The following CRYBG3 variants were observed in gnomAD, a reference collection of about 807,000 sequenced individuals.
The protein encoded by CRYBG3 is very large A-kinase anchor protein.
CRYBG3 carries 127 observed loss-of-function variants against 244.2 expected under a neutral mutation model. The observed-to-expected ratio is 0.52, with a 90% CI of 0.45 to 0.60. The LOEUF (loss-of-function observed/expected upper bound fraction) is 0.60, where lower values mean the gene tolerates loss of function less well. Ranked by LOEUF, CRYBG3 falls within the 20% of genes least tolerant of loss-of-function variation. CRYBG3 has a pLI of 0.00. For missense variants in CRYBG3, 3,325 were observed against 3,442.5 expected (o/e 0.97, Z 0.85); for synonymous variants, 1,132 against 1,195.8 (o/e 0.95, Z 1.10).
intron 15 of CRYBG3, among the ~76,000 whole-genome samples, 186 bp downstream of exon 15, chr3:97,900,671 G>C (rs1013403358): frequency 3.3e-5 from 5 of 152,150 alleles, no homozygotes; most frequent in Admixed American, 6.5e-5. Flanking sequence ...ATTAGACTGG[G>C]TTTGTCACAC....
chr3:97,842,147 A>G (rs933589492), intron 1 of CRYBG3, among the ~76,000 whole-genome samples: 1 of 152,126 alleles, frequency 6.6e-6, no homozygotes, highest in African/African-American at 2.4e-5. Context: ...TTATATCCTT[A>G]AGGCTAAGCA....
intron 10 of CRYBG3, among the ~76,000 whole-genome samples, chr3:97,891,289 C>T (rs901063434): frequency 6.6e-6 from 1 of 152,088 alleles, no homozygotes; most frequent in African/African-American, 2.4e-5. Context: ...GCAGTTTACC[C>T]TATGAGATGA....
intron 10 of CRYBG3, 152 bp downstream of exon 10, chr3:97,889,542 T>C: frequency 1.5e-6 from 1 of 659,418 alleles, no homozygotes; most frequent in Non-Finnish European, 2.7e-6. Flanking sequence ...ATGCACAAAA[T>C]GTTTGATGAG....
chr3:97,868,837 G>A (rs1200082930), intron 3 of CRYBG3, among the ~76,000 whole-genome samples: 2 of 152,028 alleles, frequency 1.3e-5, no homozygotes, highest in Non-Finnish European at 2.9e-5. Flanking sequence ...GGCAGTAAGA[G>A]GACCTAAATT....
chr3:97,836,508 ACCTG>A (rs1458648668), intron 1 of CRYBG3, among the ~76,000 whole-genome samples: 2 of 152,080 alleles, frequency 1.3e-5, no homozygotes, highest in Non-Finnish European at 2.9e-5. Context: ...ATAGCATTGG[ACCTG>A]CCGGATGGGA....
chr3:97,897,145 GA>G (rs1408085572), intron 12 of CRYBG3, among the ~76,000 whole-genome samples: 2 of 151,782 alleles, frequency 1.3e-5, no homozygotes, highest in Non-Finnish European at 2.9e-5. Context: ...GCGATTTTCA[GA>G]CTTTACGCCT....
At chr3:97,916,762 A>G (rs1192838207) in intron 17 of CRYBG3, among the ~76,000 whole-genome samples, 1 of 152,108 alleles carries the variant, frequency 6.6e-6, no homozygotes, top group Non-Finnish European at 1.5e-5. Context: ...CAGACTAATT[A>G]TAGAGTCTTG....
rs1304107979 is a variant in CRYBG3 at position 97,908,999 on chromosome 3, A to G, written c.8005-3168A>G. Among the ~76,000 whole-genome samples the G allele has an allele frequency of 4.6e-5, 7 of 151,748 alleles. 1 individual carries two copies. The highest frequency in any genetic ancestry group is 1.7e-4 in the African/African-American group (7 of 41,382). On this transcript the variant is annotated intron_variant, in intron 15 of 21. Coordinates refer to ENST00000389622, the MANE Select transcript of CRYBG3 (RefSeq NM_153605.4). ...CTGTAAAGTATTTTATTTCTCCTTCACTTATGAAGCTTAGTTTGGCTGGAT... is the reference window on the plus strand; with the variant it reads ...CTGTAAAGTATTTTATTTCTCCTTCGCTTATGAAGCTTAGTTTGGCTGGAT...
At chr3:97,855,643 C>A (rs2039052998) in intron 2 of CRYBG3, among the ~76,000 whole-genome samples, 2 of 152,230 alleles carry the variant, frequency 1.3e-5, no homozygotes, top group South Asian at 4.1e-4. Flanking sequence ...TAAGCGTCAG[C>A]TGGCTTGAGA....
chr3:97,893,140 T>G, intron 11 of CRYBG3, 147 bp downstream of exon 11: 6 of 691,872 alleles, frequency 8.7e-6, no homozygotes, highest in South Asian at 2.0e-5. Context: ...TATTAGTTAC[T>G]TATGGTTTTC....
intron 17 of CRYBG3, among the ~76,000 whole-genome samples, chr3:97,930,481 C>T (rs2040085672): frequency 6.6e-6 from 1 of 151,952 alleles, no homozygotes; most frequent in South Asian, 2.1e-4. Flanking sequence ...TTGCCTGTGG[C>T]CACTCAATAA....
chr3:97,843,101 T>A (rs1385971087), intron 1 of CRYBG3, 94 bp from the exon 2 acceptor site: 3 of 699,438 alleles, frequency 4.3e-6, no homozygotes, highest in African/African-American at 1.8e-5. Context: ...GCATTGCAGA[T>A]AAAGGACCTT....
chr3:97,916,428 G>T (rs887254635), intron 17 of CRYBG3, among the ~76,000 whole-genome samples: 4 of 152,050 alleles, frequency 2.6e-5, no homozygotes, highest in African/African-American at 9.7e-5. Flanking sequence ...CATTTATTTA[G>T]AATTTCAAAT....
intron 1 of CRYBG3, 84 bp downstream of exon 1, chr3:97,822,439 C>T (rs2108145291): frequency 2.4e-6 from 3 of 1,276,012 alleles, no homozygotes; most frequent in Middle Eastern, 2.9e-4. Context: ...GGCAGCGGGC[C>T]GCTCTTGGGC....
At position 97,880,116 on chromosome 3, in the gene CRYBG3, A is replaced by C. The variant is rs1356511213; in HGVS notation, c.7004+16A>C. On this transcript the variant is annotated intron_variant, in intron 6 of 21. Transcript: ENST00000389622. Reference sequence around the variant, plus strand: ...TAAGGGGCTGGTAAGAAGTTTCTTAAAATTTTATAGCATATTTTCTTAAAT... The same window carrying C: ...TAAGGGGCTGGTAAGAAGTTTCTTACAATTTTATAGCATATTTTCTTAAAT... 1.5e-6 allele frequency: 2 copies of C among 1,292,030 alleles called. No individual in the cohort carries two copies. The highest frequency in any genetic ancestry group is 2.2e-6 in the Non-Finnish European group (2 of 911,884). The allele number at this position is 1,292,030 out of a possible 1,614,324, so 80.0% of individuals were successfully genotyped here.
chr3:97,823,519 C>T lies in CRYBG3; in HGVS notation c.149+1164C>T, dbSNP rs1193487623. On this transcript the variant is annotated intron_variant, in intron 1 of 21. Transcript: ENST00000389622. ...CCACATGTTTCCAAGAAAGCTCCTA[C>T]GATAATTGAGTGGTTATTCTCCTGG... 2.0e-5 allele frequency among the ~76,000 whole-genome samples: 3 copies of T among 152,206 alleles called. No homozygotes were observed. In the East Asian group the frequency reaches 5.8e-4, roughly 29 times the overall value.
chr3:97,896,118 C>G (rs747931501), intron 12 of CRYBG3, 33 bp downstream of exon 12: 1 of 1,566,424 alleles, frequency 6.4e-7, no homozygotes, highest in African/African-American at 1.4e-5. Flanking sequence ...AATTTTCTAC[C>G]TTTTAAAAAA....
At position 97,933,827 on chromosome 3, in the gene CRYBG3, G is replaced by C. The variant is rs2040125984; in HGVS notation, c.8375G>C (p.Ser2792Thr). The change falls in exon 18 of 22, where the codon AGT becomes ACT. Residue 2792 changes from serine to threonine, a missense_variant. Transcript: ENST00000389622. ...HFYTQSVWVK[S>T]GLWIAYEGSN... is the part of the protein sequence containing the mutation. ...TACACCCAGTCTGTGTGGGTAAAAAGTGGACTGTAAGTATGGGAAAAAGGC... is the reference window on the plus strand; with the variant it reads ...TACACCCAGTCTGTGTGGGTAAAAACTGGACTGTAAGTATGGGAAAAAGGC... 1 of 1,611,908 alleles carries C rather than the reference G, an allele frequency of 6.2e-7. No individual in the cohort carries two copies. Among genetic ancestry groups the C allele is most frequent in the East Asian group, 2.2e-5 (1 of 44,832 alleles).
At position 97,874,021 on chromosome 3, in the gene CRYBG3, A is replaced by T; in HGVS notation, c.2827A>T (p.Ile943Phe). ...TCTTCTTAAAAGTAATATATCTTGG[A>T]TTTTACCACCTATTCATGATGAAAA... ...PALLKSNISWILPPIHDEKIS... is the reference protein window; with the variant it reads ...PALLKSNISWFLPPIHDEKIS... Residue 943 changes from isoleucine to phenylalanine, a missense_variant, in exon 4 of 22, where the codon ATT (isoleucine) becomes TTT (phenylalanine). Ile to Phe is a conservative substitution (Grantham distance 21). Coordinates refer to ENST00000389622, the MANE Select transcript of CRYBG3 (RefSeq NM_153605.4). The T allele has an allele frequency of 6.5e-7, 1 of 1,535,662 alleles. No homozygotes were observed. The highest frequency in any genetic ancestry group is 8.7e-7 in the Non-Finnish European group (1 of 1,146,794).
Sources: allele counts gnomAD v4.1 joint callset (sites outside exome capture counted in the v4.1 genomes callset), GRCh38; gene constraint gnomAD v4.1.1; transcripts MANE v1.5; gene names NCBI Gene and HGNC (gene_info 2026-07-23, HGNC 2026-07-21).